Variants in MYO18B observed in about 807,000 individuals in gnomAD.
MYO18B encodes the protein myosin XVIIIB.
Under a neutral mutation model 273.0 loss-of-function variants are expected in MYO18B, and 204 were observed. That is an observed-to-expected ratio of 0.75 (90% CI 0.67 to 0.84). The LOEUF (loss-of-function observed/expected upper bound fraction) is 0.84, where lower values mean the gene tolerates loss of function less well. Among genes scored for constraint, MYO18B ranks in the 40% least tolerant of loss-of-function variants. The pLI, the probability that MYO18B is intolerant of heterozygous loss-of-function variation, is 0.00. For synonymous variants in MYO18B, 1,330 were observed against 1,305.7 expected, an observed-to-expected ratio of 1.02 and a Z score of -0.40; for missense variants, 3,212 against 3,287.6, an observed-to-expected ratio of 0.98 and a Z score of 0.56.
chr22:25,832,086 T>A (rs5761263), intron 15 of MYO18B, among the ~76,000 whole-genome samples: 141,506 of 152,126 alleles, frequency 0.93, 66,555 homozygotes, highest in East Asian at 1. Flanking sequence ...TGGCTACTAT[T>A]AAAAAAAATC....
At chr22:25,902,128 A>G (rs561086048) in intron 29 of MYO18B, among the ~76,000 whole-genome samples, 2 of 152,248 alleles carry the variant, frequency 1.3e-5, no homozygotes, top group African/African-American at 4.8e-5. Context: ...GTGAGCCACC[A>G]TGCCTGGCCA....
chr22:25,921,036 G>A (rs1263454698), intron 33 of MYO18B, among the ~76,000 whole-genome samples: 18 of 152,204 alleles, frequency 1.2e-4, no homozygotes, highest in Admixed American at 1.2e-3. Context: ...CAAGCATTAG[G>A]CTAGGCATGT....
At chr22:25,902,488 T>G (rs2091957862) in intron 29 of MYO18B, 125 bp from the exon 30 acceptor site, 2 of 1,089,740 alleles carry the variant, frequency 1.8e-6, no homozygotes, top group South Asian at 3.5e-5. Flanking sequence ...TCTTCTTCCT[T>G]TTGCTCTCTT....
At chr22:25,940,516 A>G (rs552981556) in intron 34 of MYO18B, among the ~76,000 whole-genome samples, 10 of 152,348 alleles carry the variant, frequency 6.6e-5, no homozygotes, top group African/African-American at 1.7e-4. Flanking sequence ...ATCAAAGTTC[A>G]GTAACCTGCC....
chr22:26,032,660 T>C (rs1936694232), downstream of MYO18B, among the ~76,000 whole-genome samples: 1 of 151,970 alleles, frequency 6.6e-6, no homozygotes, highest in Non-Finnish European at 1.5e-5. Flanking sequence ...TAGCTGGGAT[T>C]ACAGACATGC....
chr22:26,014,233 A>G (rs1935133635), intron 42 of MYO18B, among the ~76,000 whole-genome samples: 1 of 152,178 alleles, frequency 6.6e-6, no homozygotes. Context: ...CCATATAGAT[A>G]TTGAGTTGGT....
intron 39 of MYO18B, among the ~76,000 whole-genome samples, chr22:25,955,682 A>G (rs1366431453): frequency 2.0e-5 from 3 of 152,138 alleles, no homozygotes; most frequent in Non-Finnish European, 4.4e-5. Context: ...AAGGCCTCAT[A>G]CAAAAGAGGA....
chr22:25,930,231 C>T (rs1281042366), intron 34 of MYO18B, among the ~76,000 whole-genome samples: 2 of 152,182 alleles, frequency 1.3e-5, no homozygotes, highest in Non-Finnish European at 2.9e-5. Context: ...CTCTCCTTCC[C>T]CACAATCTGT....
intron 4 of MYO18B, among the ~76,000 whole-genome samples, chr22:25,769,857 G>GT (rs2086652983): frequency 6.7e-6 from 1 of 148,872 alleles, no homozygotes; most frequent in Non-Finnish European, 1.5e-5. Flanking sequence ...CATTTATGTA[G>GT]TATTTTTTTT....
chr22:25,908,509 G>T, intron 32 of MYO18B, 77 bp downstream of exon 32: 1 of 1,227,452 alleles, frequency 8.1e-7, no homozygotes, highest in Non-Finnish European at 1.2e-6. Context: ...TTAGAGCGAG[G>T]AGTAGGACAG....
intron 25 of MYO18B, 116 bp from the exon 26 acceptor site, chr22:25,890,640 C>T: frequency 7.0e-7 from 1 of 1,428,464 alleles, no homozygotes; most frequent in South Asian, 1.4e-5. Context: ...TGATTATACT[C>T]AAGGGTTGCT....
chr22:25,788,498 C>T (rs1337722948), intron 11 of MYO18B, among the ~76,000 whole-genome samples: 1 of 152,156 alleles, frequency 6.6e-6, no homozygotes, highest in Non-Finnish European at 1.5e-5. Context: ...GGGCAGGCTG[C>T]CTGGAGGAGT....
intron 12 of MYO18B, among the ~76,000 whole-genome samples, chr22:25,813,143 C>T (rs982567334): frequency 6.6e-6 from 1 of 150,472 alleles, no homozygotes; most frequent in African/African-American, 2.4e-5. Context: ...CCCTCCTCCT[C>T]CTCCTTCTTC....
chr22:25,882,638 G>A (rs1267048939), intron 25 of MYO18B, among the ~76,000 whole-genome samples: 1 of 152,176 alleles, frequency 6.6e-6, no homozygotes, highest in Non-Finnish European at 1.5e-5. Flanking sequence ...TTTGATGACT[G>A]AGTATTATGA....
chr22:25,950,051 G>A (rs1026738390), intron 36 of MYO18B, among the ~76,000 whole-genome samples: 1 of 152,184 alleles, frequency 6.6e-6, no homozygotes, highest in Non-Finnish European at 1.5e-5. Context: ...CCTCCGAGTA[G>A]CTCTCATCCC....
At chr22:26,038,666 T>C in the MYO18B span, among the ~76,000 whole-genome samples, 1 of 152,144 alleles carries the variant, frequency 6.6e-6, no homozygotes, top group Admixed American at 6.5e-5. Context: ...TCTCCACTCC[T>C]CCTCCTGTTG....
At chr22:25,818,401 C>A (rs1009676297) in intron 12 of MYO18B, among the ~76,000 whole-genome samples, 113 of 152,262 alleles carry the variant, frequency 7.4e-4, no homozygotes, top group African/African-American at 2.5e-3. Context: ...CAGCCACAGC[C>A]GGGCAGAAAT....
chr22:26,010,885 G>A (rs6004889), intron 42 of MYO18B, among the ~76,000 whole-genome samples: 5,430 of 152,012 alleles, frequency 0.036, 133 homozygotes, highest in African/African-American at 0.061. Context: ...GTTAAACTTC[G>A]TGTGTTTGGG....
chr22:26,037,218 A>G, the MYO18B span, among the ~76,000 whole-genome samples: 1 of 152,188 alleles, frequency 6.6e-6, no homozygotes, highest in Non-Finnish European at 1.5e-5. Context: ...TGGCTTTGCC[A>G]TCTTTTAAGC....
Sources: allele counts gnomAD v4.1 joint callset (sites outside exome capture counted in the v4.1 genomes callset), GRCh38; gene constraint gnomAD v4.1.1; transcripts MANE v1.5; gene names NCBI Gene and HGNC (gene_info 2026-07-23, HGNC 2026-07-21).